CCDC91: variants seen among roughly 807,000 people sequenced by gnomAD.
CCDC91 encodes the protein coiled-coil domain containing 91.
Under a neutral mutation model 63.2 loss-of-function variants are expected in CCDC91, and 48 were observed. The observed-to-expected ratio is 0.76, with a 90% CI of 0.60 to 0.97. The LOEUF (loss-of-function observed/expected upper bound fraction) is 0.97. Ranked by LOEUF, CCDC91 falls within the 50% of genes least tolerant of loss-of-function variation. The pLI is 0.00. For missense variants in CCDC91, 500 were observed against 494.6 expected, an observed-to-expected ratio of 1.01 and a Z score of -0.10; for synonymous variants, 167 against 165.8, an observed-to-expected ratio of 1.01 and a Z score of -0.06.
rs1394117797 is a variant in CCDC91, at chr12:28,411,677, A to G, written c.762+20266A>G. On this transcript the variant is annotated intron_variant, in intron 8 of 12. Transcript: ENST00000536442. ...TGTTTTGGTGAACGATGGACTGTATATAAGATGGTGGTCTTATAAGATTAT... is the reference window on the plus strand; with the variant it reads ...TGTTTTGGTGAACGATGGACTGTATGTAAGATGGTGGTCTTATAAGATTAT... Among the ~76,000 whole-genome samples, 5 of 152,318 alleles carry G rather than the reference A, an allele frequency of 3.3e-5. No homozygotes were observed. The East Asian group carries it at 5.8e-4, about 18-fold the overall frequency.
intron 6 of CCDC91, among the ~76,000 whole-genome samples, chr12:28,355,615 G>T (rs1943473075): frequency 6.6e-6 from 1 of 152,148 alleles, no homozygotes. Context: ...CTTAGACATG[G>T]ATATAAAATT....
intron 6 of CCDC91, among the ~76,000 whole-genome samples, chr12:28,324,457 C>G (rs1213897138): frequency 6.6e-6 from 1 of 151,868 alleles, no homozygotes; most frequent in Admixed American, 6.6e-5. Context: ...TTCTTTCCCT[C>G]AGCAATGCCA....
intron 8 of CCDC91, among the ~76,000 whole-genome samples, chr12:28,395,904 C>A (rs1443543796): frequency 6.6e-6 from 1 of 152,194 alleles, no homozygotes; most frequent in Non-Finnish European, 1.5e-5. Flanking sequence ...CTTAGTGTAT[C>A]ACAGTCCCTC....
At chr12:28,514,675 G>A (rs1021770313) in intron 12 of CCDC91, among the ~76,000 whole-genome samples, 2 of 151,872 alleles carry the variant, frequency 1.3e-5, no homozygotes, top group African/African-American at 4.8e-5. Flanking sequence ...TATGGCATAA[G>A]GAAGGGGTCC....
intron 8 of CCDC91, among the ~76,000 whole-genome samples, chr12:28,428,776 A>G (rs1948472467): frequency 6.6e-6 from 1 of 152,000 alleles, no homozygotes; most frequent in African/African-American, 2.4e-5. Flanking sequence ...TTAAAATATG[A>G]TAATCTTTCT....
At chr12:28,509,370 A>G (rs1197361577) in intron 12 of CCDC91, among the ~76,000 whole-genome samples, 1 of 151,858 alleles carries the variant, frequency 6.6e-6, no homozygotes, top group Non-Finnish European at 1.5e-5. Context: ...TGGGATCCAA[A>G]TGAGGAGGTG....
chr12:28,368,502 A>C (rs1446224069), intron 7 of CCDC91, among the ~76,000 whole-genome samples: 1 of 152,172 alleles, frequency 6.6e-6, no homozygotes, highest in African/African-American at 2.4e-5. Context: ...TTCTCTATGC[A>C]GTTGATAATC....
At chr12:28,227,962 G>A (rs768729512) in intron 1 of CCDC91, among the ~76,000 whole-genome samples, 5 of 152,014 alleles carry the variant, frequency 3.3e-5, no homozygotes, top group Non-Finnish European at 5.9e-5. Flanking sequence ...AAGTGATAGC[G>A]TGTCTAAAGA....
chr12:28,407,152 A>G lies in CCDC91; in HGVS notation c.762+15741A>G, dbSNP rs969746991. Among the ~76,000 whole-genome samples the G allele has an allele frequency of 3.3e-5, 5 of 152,088 alleles. No homozygotes were observed. The East Asian group carries it at 7.7e-4, about 23-fold the overall frequency. ...GTGCTTGCTCCCCCTTTGCTTTTCA[A>G]CATGATTGGAAGCTTCCTGAGGCCT... On this transcript the variant is annotated intron_variant, in intron 8 of 12. Transcript: ENST00000536442.
intron 3 of CCDC91, among the ~76,000 whole-genome samples, chr12:28,266,342 A>G (rs1479853499): frequency 1.3e-5 from 2 of 152,016 alleles, no homozygotes; most frequent in African/African-American, 2.4e-5. Flanking sequence ...AATCTCAATT[A>G]GCAAATCTAT....
At chr12:28,390,481 TATAAC>T (rs1224944813) in intron 7 of CCDC91, among the ~76,000 whole-genome samples, 21 of 152,220 alleles carry the variant, frequency 1.4e-4, no homozygotes, top group Admixed American at 3.3e-4. Flanking sequence ...AACTTGTTGA[TATAAC>T]ATACAAAGCT....
chr12:28,367,364 A>C (rs1299465041), intron 7 of CCDC91, among the ~76,000 whole-genome samples: 2 of 152,220 alleles, frequency 1.3e-5, no homozygotes, highest in Non-Finnish European at 2.9e-5. Flanking sequence ...AAAAACTCAG[A>C]GATGGGCTCA....
At chr12:28,473,496 A>T (rs1950925004) in intron 11 of CCDC91, among the ~76,000 whole-genome samples, 1 of 152,146 alleles carries the variant, frequency 6.6e-6, no homozygotes, top group Non-Finnish European at 1.5e-5. Context: ...GCCTTCTTTC[A>T]TTCCACACAT....
intron 1 of CCDC91, among the ~76,000 whole-genome samples, chr12:28,254,342 A>T (rs1445282702): frequency 1.3e-5 from 2 of 152,190 alleles, no homozygotes; most frequent in Non-Finnish European, 2.9e-5. Context: ...TGATTCTGTA[A>T]CTTAGATGTC....
At chr12:28,215,791 C>T (rs930145249) in intron 1 of CCDC91, among the ~76,000 whole-genome samples, 1 of 152,090 alleles carries the variant, frequency 6.6e-6, no homozygotes, top group African/African-American at 2.4e-5. Context: ...TGACACATAC[C>T]TGCTGTGGCT....
chr12:28,444,131 T>G, intron 8 of CCDC91, among the ~76,000 whole-genome samples: 1 of 152,160 alleles, frequency 6.6e-6, no homozygotes, highest in East Asian at 1.9e-4. Flanking sequence ...CTGATGGAAT[T>G]GTTGTGCTAA....
chr12:28,476,421 C>A (rs970344836), intron 11 of CCDC91, among the ~76,000 whole-genome samples: 2 of 151,924 alleles, frequency 1.3e-5, no homozygotes, highest in African/African-American at 2.4e-5. Context: ...TTGAAACCAG[C>A]GAGAACAAAG....
At chr12:28,443,342 TTAAAC>T (rs1178078673) in intron 8 of CCDC91, among the ~76,000 whole-genome samples, 2 of 151,986 alleles carry the variant, frequency 1.3e-5, no homozygotes, top group African/African-American at 2.4e-5. Flanking sequence ...TTTCTAAGCT[TTAAAC>T]TAATATTTCA....
rs1944961247 is a variant in CCDC91, at chr12:28,376,575, G to A, written c.654+14060G>A. ...GCAGGATTGGTATAATAGCACAGAGGGACTATCAAAGAAAGTCATACATGG... is the reference window on the plus strand; with the variant it reads ...GCAGGATTGGTATAATAGCACAGAGAGACTATCAAAGAAAGTCATACATGG... On this transcript the variant is annotated intron_variant, in intron 7 of 12. Coordinates refer to ENST00000536442, the MANE Select transcript of CCDC91 (RefSeq NM_018318.5). Among the ~76,000 whole-genome samples, 3 of 151,512 alleles carry A rather than the reference G, an allele frequency of 2.0e-5. 1 individual carries two copies. The South Asian group carries it at 6.2e-4, about 31-fold the overall frequency.
Sources: allele counts gnomAD v4.1 joint callset (sites outside exome capture counted in the v4.1 genomes callset), GRCh38; gene constraint gnomAD v4.1.1; transcripts MANE v1.5; gene names NCBI Gene and HGNC (gene_info 2026-07-23, HGNC 2026-07-21).